Variants in MBNL1 observed in about 807,000 individuals in gnomAD.
MBNL1 encodes muscleblind-like protein 1.
A neutral mutation model predicts 42.2 loss-of-function variants in MBNL1; 8 were observed. That is an observed-to-expected ratio of 0.19 (90% confidence interval 0.11 to 0.34). The LOEUF is 0.34. Ranked by LOEUF, MBNL1 falls within the 10% of genes least tolerant of loss-of-function variation. The pLI, the probability that MBNL1 is intolerant of heterozygous loss-of-function variation, is 1.00. For missense variants in MBNL1, 309 were observed against 495.3 expected, an observed-to-expected ratio of 0.62 and a Z score of 3.57; for synonymous variants, 169 against 173.9, an observed-to-expected ratio of 0.97 and a Z score of 0.22.
intron 3 of MBNL1, among the ~76,000 whole-genome samples, chr3:152,420,114 G>T (rs1011387360): frequency 2.0e-5 from 3 of 152,214 alleles, no homozygotes; most frequent in African/African-American, 4.8e-5. Flanking sequence ...CTAGTCAGGG[G>T]CTTATACATA....
rs1391530884 is a variant in MBNL1 at position 152,356,498 on chromosome 3, CAG to C, written c.174+56134_174+56135del. Among the ~76,000 whole-genome samples the C allele has an allele frequency of 3.3e-5, 5 of 152,318 alleles. No homozygotes were observed. In the East Asian group the frequency reaches 9.6e-4, roughly 29 times the overall value. On this transcript the variant is annotated intron_variant, in intron 2 of 9. Transcript: ENST00000324210. ...AATGTCCTGATTTATTTATTTGAGACAGAGTCTCACTTGGTCGCTGGAGTGCA... is the reference window on the plus strand; with the variant it reads ...AATGTCCTGATTTATTTATTTGAGACAGTCTCACTTGGTCGCTGGAGTGCA...
At chr3:152,353,441 G>A (rs1578499617) in intron 2 of MBNL1, among the ~76,000 whole-genome samples, 1 of 152,202 alleles carries the variant, frequency 6.6e-6, no homozygotes, top group Admixed American at 6.5e-5. Flanking sequence ...TCAGGCAGAG[G>A]AAATAGTGCG....
intron 2 of MBNL1, among the ~76,000 whole-genome samples, chr3:152,354,636 T>G (rs1236390055): frequency 6.6e-6 from 1 of 152,030 alleles, no homozygotes; most frequent in Non-Finnish European, 1.5e-5. Context: ...TTTTACAATT[T>G]TTACTATATG....
chr3:152,396,113 G>A (rs889096944), intron 2 of MBNL1: 5 of 294,164 alleles, frequency 1.7e-5, no homozygotes, highest in African/African-American at 9.1e-5. Flanking sequence ...GGTTGGAGAC[G>A]CTTTATGAGA....
intron 3 of MBNL1, among the ~76,000 whole-genome samples, chr3:152,426,392 CT>C (rs2098932024): frequency 6.6e-6 from 1 of 152,124 alleles, no homozygotes; most frequent in Admixed American, 6.5e-5. Context: ...CTTCTGGATT[CT>C]TTTTCCAAAT....
rs1388016629 is a variant in MBNL1, at chr3:152,276,685, TG to T, written c.-790+7594del. Among the ~76,000 whole-genome samples, 4 of 152,080 alleles carry T rather than the reference TG, an allele frequency of 2.6e-5. No individual in the cohort carries two copies. In the East Asian group the frequency reaches 7.7e-4, roughly 29 times the overall value. On this transcript the variant is annotated intron_variant, in intron 1 of 9. Coordinates refer to ENST00000324210, the MANE Select transcript of MBNL1 (RefSeq NM_021038.5). ...GGATAGGAAGAAATGAGGAATCAGG[TG>T]TTCAAGGGAGATTGGTGCTACACTT...
chr3:152,309,393 A>G (rs954583377), intron 2 of MBNL1, among the ~76,000 whole-genome samples: 6 of 152,210 alleles, frequency 3.9e-5, no homozygotes, highest in African/African-American at 1.4e-4. Flanking sequence ...TTATGTTAAT[A>G]TGAGGTTGAG....
At chr3:152,330,646 CA>C (rs1294131186) in intron 2 of MBNL1, among the ~76,000 whole-genome samples, 4 of 152,146 alleles carry the variant, frequency 2.6e-5, no homozygotes, top group Admixed American at 1.3e-4. Context: ...TCTGCAATTT[CA>C]CTTTCTGCAG....
chr3:152,422,167 T>G (rs1244954830), intron 3 of MBNL1, among the ~76,000 whole-genome samples: 1 of 151,320 alleles, frequency 6.6e-6, no homozygotes, highest in East Asian at 1.9e-4. Flanking sequence ...CCCATCAGTG[T>G]GCTGTATTCA....
intron 2 of MBNL1, among the ~76,000 whole-genome samples, chr3:152,329,965 A>G (rs1445124126): frequency 6.6e-6 from 1 of 151,998 alleles, no homozygotes; most frequent in Non-Finnish European, 1.5e-5. Flanking sequence ...AACTGTCTAT[A>G]TCATACAAAA....
Position 152,464,879 on chromosome 3 carries a change from G to A in MBNL1, c.*2513G>A, listed in dbSNP as rs1285789440. The A allele has an allele frequency of 6.6e-6, 1 of 152,594 alleles. No homozygotes were observed. Among genetic ancestry groups the A allele is most frequent in the African/African-American group, 2.4e-5 (1 of 41,444 alleles). 9.5% of individuals were successfully genotyped at this position (152,594 alleles called of 1,614,324 possible). ...GTAAGATCTTATTTTGAATAAAAAC[G>A]TCTATAATTACAAGGAGTTTTGTTA... On this transcript the variant is annotated 3_prime_UTR_variant, in exon 10 of 10. Transcript: ENST00000324210.
At position 152,299,672 on chromosome 3, in the gene MBNL1, A is replaced by T. The variant is rs1442215925; in HGVS notation, c.-522A>T. The T allele has an allele frequency of 3.3e-5, 13 of 398,578 alleles. No homozygotes were observed. The highest frequency in any genetic ancestry group is 4.9e-5 in the Non-Finnish European group (11 of 226,116). 24.7% of individuals were successfully genotyped at this position (398,578 alleles called of 1,614,324 possible). A position where few individuals can be genotyped will look rare whatever the true frequency, so the allele number is the denominator to read the frequency against. On this transcript the variant is annotated 5_prime_UTR_variant, in exon 2 of 10. Transcript: ENST00000324210. ...CCAGGAAATCAAGGAGGAAAAAAAA[A>T]ATCATTTTCTCGATTTTGCTCTAAA...
At chr3:152,391,825 C>T (rs2097728709) in intron 2 of MBNL1, among the ~76,000 whole-genome samples, 1 of 152,134 alleles carries the variant, frequency 6.6e-6, no homozygotes. Flanking sequence ...CATTCAATTG[C>T]CTCTGGCTTG....
chr3:152,303,374 A>G (rs2061537584), intron 2 of MBNL1, among the ~76,000 whole-genome samples: 1 of 152,170 alleles, frequency 6.6e-6, no homozygotes, highest in Admixed American at 6.5e-5. Flanking sequence ...TCCTTTTACA[A>G]TTGCAGTTTT....
At chr3:152,459,504 A>G (rs976299247) in intron 9 of MBNL1, among the ~76,000 whole-genome samples, 159 bp downstream of exon 9, 1 of 152,242 alleles carries the variant, frequency 6.6e-6, no homozygotes, top group African/African-American at 2.4e-5. Flanking sequence ...AGACATCTTT[A>G]TAACAAATAT....
chr3:152,349,941 T>TTTTAGG (rs2094757069), intron 2 of MBNL1, among the ~76,000 whole-genome samples: 1 of 152,074 alleles, frequency 6.6e-6, no homozygotes, highest in Non-Finnish European at 1.5e-5. Flanking sequence ...TTCTCTTTCT[T>TTTTAGG]TTTAGGGAGA....
chr3:152,357,988 G>A (rs919791123), intron 2 of MBNL1, among the ~76,000 whole-genome samples: 1 of 136,118 alleles, frequency 7.3e-6, no homozygotes, highest in African/African-American at 2.9e-5. Context: ...AATGAAGTTA[G>A]AAGGGTGTGT....
upstream of MBNL1, chr3:152,264,701 T>C (rs1380478641): frequency 1.3e-5 from 2 of 152,212 alleles, no homozygotes; most frequent in Non-Finnish European, 2.9e-5. Context: ...AATTTCAAAA[T>C]GTATTTGCTT....
intron 2 of MBNL1, among the ~76,000 whole-genome samples, chr3:152,390,401 A>G (rs868721598): frequency 6.6e-6 from 1 of 152,030 alleles, no homozygotes; most frequent in Non-Finnish European, 1.5e-5. Context: ...CAAGAATGAT[A>G]CCATGCATGG....
Sources: allele counts gnomAD v4.1 joint callset (sites outside exome capture counted in the v4.1 genomes callset), GRCh38; gene constraint gnomAD v4.1.1; transcripts MANE v1.5; gene names NCBI Gene and HGNC (gene_info 2026-07-23, HGNC 2026-07-21).